MOGAT1: variants seen among roughly 807,000 people sequenced by gnomAD.
MOGAT1 encodes 2-acylglycerol O-acyltransferase 1.
A neutral mutation model predicts 31.4 loss-of-function variants in MOGAT1; 32 were observed. The ratio of observed to expected loss-of-function variants is 1.02; its 90% confidence interval spans 0.77 to 1.37. MOGAT1 has a LOEUF of 1.37. Among genes scored for constraint, MOGAT1 ranks in the 40% most tolerant of loss-of-function variants. MOGAT1 has a pLI of 0.00. For missense variants in MOGAT1, 426 were observed against 402.0 expected (o/e 1.06, Z -0.51); for synonymous variants, 145 against 144.5 (o/e 1.00, Z -0.03).
At chr2:222,688,704 T>C (rs73993416) in intron 2 of MOGAT1, among the ~76,000 whole-genome samples, 182 bp downstream of exon 2, 24,037 of 152,056 alleles carry the variant, frequency 0.16, 2,571 homozygotes, top group African/African-American at 0.3. Flanking sequence ...CTCACAGTTG[T>C]GGAGGCTGGG....
chr2:222,708,570 G>T (rs73073800), intron 5 of MOGAT1, among the ~76,000 whole-genome samples: 3,547 of 152,172 alleles, frequency 0.023, 157 homozygotes, highest in African/African-American at 0.081. Flanking sequence ...TAGTGTATTT[G>T]GAAAAACACA....
intron 1 of MOGAT1, among the ~76,000 whole-genome samples, chr2:222,673,184 A>AT (rs1053183295): frequency 6.6e-6 from 1 of 150,862 alleles, no homozygotes; most frequent in African/African-American, 2.4e-5. Context: ...AAGTGCTGGG[A>AT]TTACAGGCGT....
At chr2:222,700,845 G>T (rs1202120104) in intron 5 of MOGAT1, among the ~76,000 whole-genome samples, 2 of 152,196 alleles carry the variant, frequency 1.3e-5, no homozygotes. Context: ...TTGAAATGCA[G>T]TGTGGCTTCA....
intron 5 of MOGAT1, among the ~76,000 whole-genome samples, chr2:222,701,505 TGGAA>T (rs1198957928): frequency 9.9e-6 from 1 of 101,180 alleles, no homozygotes; most frequent in African/African-American, 4.0e-5. Context: ...TGGGGAGGGA[TGGAA>T]GGAAGGAAGG....
At chr2:222,707,361 G>GAGAA (rs10628312) in intron 5 of MOGAT1, among the ~76,000 whole-genome samples, 58,822 of 120,620 alleles carry the variant, frequency 0.49, 12,272 homozygotes, top group Middle Eastern at 0.58. Flanking sequence ...AAGAAAGAAA[G>GAGAA]AGAAAGAAAG....
chr2:222,701,879 T>C, intron 5 of MOGAT1, among the ~76,000 whole-genome samples: 1 of 152,214 alleles, frequency 6.6e-6, no homozygotes, highest in East Asian at 1.9e-4. Flanking sequence ...TTTGAATGTT[T>C]CATTTATCTT....
At chr2:222,695,663 C>T (rs1692827210) in intron 5 of MOGAT1, among the ~76,000 whole-genome samples, 2 of 152,140 alleles carry the variant, frequency 1.3e-5, no homozygotes, top group African/African-American at 4.8e-5. Context: ...TGATAAGTGT[C>T]CTCATTATGT....
At chr2:222,673,447 T>C (rs1431850451) in intron 1 of MOGAT1, among the ~76,000 whole-genome samples, 2 of 151,866 alleles carry the variant, frequency 1.3e-5, no homozygotes. Flanking sequence ...CACGACCTTA[T>C]CTAGCGCTTG....
At chr2:222,687,724 C>A (rs1482124841) in intron 1 of MOGAT1, among the ~76,000 whole-genome samples, 3 of 152,184 alleles carry the variant, frequency 2.0e-5, no homozygotes, top group Non-Finnish European at 4.4e-5. Context: ...CTATTTCTGT[C>A]TCTGACAGTA....
At chr2:222,682,606 T>A (rs574523063) in intron 1 of MOGAT1, among the ~76,000 whole-genome samples, 1 of 152,190 alleles carries the variant, frequency 6.6e-6, no homozygotes, top group African/African-American at 2.4e-5. Context: ...CTTACTTGTT[T>A]CAAACATGTA....
intron 3 of MOGAT1, among the ~76,000 whole-genome samples, chr2:222,691,927 G>A (rs1323078007): frequency 6.6e-6 from 1 of 152,220 alleles, no homozygotes; most frequent in Admixed American, 6.5e-5. Flanking sequence ...GTGTCAGCCA[G>A]AGCCAACTGC....
intron 5 of MOGAT1, among the ~76,000 whole-genome samples, chr2:222,702,615 CT>C (rs537007712): frequency 9.3e-5 from 14 of 150,852 alleles, no homozygotes; most frequent in African/African-American, 1.5e-4. Flanking sequence ...GAAGGTTTGA[CT>C]TTTTTTTTCA....
At chr2:222,672,722 GGT>G (rs1158878398) in intron 1 of MOGAT1, among the ~76,000 whole-genome samples, 13 of 151,876 alleles carry the variant, frequency 8.6e-5, no homozygotes, top group African/African-American at 3.1e-4. Context: ...ACAGCGTTGG[GGT>G]GGTAATAATA....
chr2:222,679,438 CT>C, intron 1 of MOGAT1, among the ~76,000 whole-genome samples: 1 of 152,244 alleles, frequency 6.6e-6, no homozygotes, highest in East Asian at 1.9e-4. Flanking sequence ...CCAAAAAACC[CT>C]CCTGGGATTT....
chr2:222,707,107 G>T (rs1481269026), intron 5 of MOGAT1, among the ~76,000 whole-genome samples: 2 of 152,080 alleles, frequency 1.3e-5, no homozygotes, highest in Non-Finnish European at 2.9e-5. Flanking sequence ...CACAAGAATT[G>T]CTTGAATCCA....
intron 1 of MOGAT1, among the ~76,000 whole-genome samples, chr2:222,680,440 T>C (rs929202019): frequency 3.4e-5 from 5 of 148,506 alleles, no homozygotes; most frequent in Admixed American, 1.3e-4. Flanking sequence ...TGTAACACTT[T>C]TTAAAAGCAG....
intron 5 of MOGAT1, chr2:222,699,451 T>C (rs1329045058): frequency 6.5e-6 from 1 of 153,214 alleles, no homozygotes; most frequent in Non-Finnish European, 1.5e-5. Flanking sequence ...AAACTTCATG[T>C]TCTGGGCTGG....
intron 5 of MOGAT1, 44 bp from the exon 6 acceptor site, chr2:222,709,692 A>G (rs1193957921): frequency 1.3e-6 from 2 of 1,585,694 alleles, no homozygotes; most frequent in Admixed American, 1.7e-5. Flanking sequence ...TCTGTGGTGG[A>G]GTGGTTTTAG....
At chr2:222,689,613 G>A in intron 3 of MOGAT1, 144 bp downstream of exon 3, 2 of 723,562 alleles carry the variant, frequency 2.8e-6, no homozygotes, top group Non-Finnish European at 4.6e-6. Context: ...TGGTGTCTGG[G>A]TGTTTCCTGC....
Sources: gnomAD v4.1 joint callset for allele counts (sites outside exome capture counted in the v4.1 genomes callset) on GRCh38, gnomAD v4.1.1 for gene constraint, MANE v1.5 for transcripts, NCBI Gene and HGNC (gene_info 2026-07-23, HGNC 2026-07-21) for gene names.